The following BOC variants were observed in gnomAD, a reference collection of about 807,000 sequenced individuals.
BOC encodes BOC cell adhesion associated, oncogene regulated.
A neutral mutation model predicts 112.0 loss-of-function variants in BOC; 76 were observed. The observed-to-expected ratio is 0.68, with a 90% CI of 0.56 to 0.82. The LOEUF (loss-of-function observed/expected upper bound fraction) is 0.82. Among genes scored for constraint, BOC ranks in the 40% least tolerant of loss-of-function variants. BOC has a pLI of 0.00. For synonymous variants in BOC, 580 were observed against 599.8 expected, an observed-to-expected ratio of 0.97 and a Z score of 0.48; for missense variants, 1,309 against 1,511.7, an observed-to-expected ratio of 0.87 and a Z score of 2.22.
intron 4 of BOC, among the ~76,000 whole-genome samples, chr3:113,253,894 A>C (rs1294018715): frequency 2.5e-4 from 38 of 152,202 alleles, no homozygotes; most frequent in Admixed American, 2.5e-3. Context: ...TTCATCTGCA[A>C]ATGGGCAGCA....
intron 5 of BOC, chr3:113,270,182 T>C (rs1463296836): frequency 6.6e-6 from 1 of 152,270 alleles, no homozygotes; most frequent in African/African-American, 2.4e-5. Flanking sequence ...AATGAGGCGA[T>C]TCCGAGTGAT....
At chr3:113,251,530 A>G (rs1945641270) in intron 4 of BOC, 1 of 153,670 alleles carries the variant, frequency 6.5e-6, no homozygotes, top group African/African-American at 2.4e-5. Context: ...CCATTCTTTT[A>G]TTCATGTTGT....
chr3:113,284,251 G>A (rs1257191881), intron 16 of BOC, 84 bp from the exon 17 acceptor site: 6 of 1,161,068 alleles, frequency 5.2e-6, no homozygotes, highest in African/African-American at 1.5e-5. Context: ...GTGGCCAGGA[G>A]CCTCCTGAGA....
At chr3:113,213,920 TGAG>T (rs1938779671) in intron 1 of BOC, among the ~76,000 whole-genome samples, 2 of 152,198 alleles carry the variant, frequency 1.3e-5, no homozygotes, top group Non-Finnish European at 2.9e-5. Context: ...ATTTGGGCCT[TGAG>T]GAGGCTGGAG....
At chr3:113,256,773 A>G (rs540089490) in intron 4 of BOC, among the ~76,000 whole-genome samples, 20 of 151,766 alleles carry the variant, frequency 1.3e-4, no homozygotes, top group East Asian at 3.9e-4. Context: ...GTGTGTGTAT[A>G]TATATATGTA....
At chr3:113,248,302 C>T (rs985804891) in intron 2 of BOC, among the ~76,000 whole-genome samples, 9 of 152,206 alleles carry the variant, frequency 5.9e-5, no homozygotes, top group South Asian at 4.1e-4. Context: ...CTGTTTCTTA[C>T]GGCAGTCTCT....
At chr3:113,216,642 C>T (rs1939437812) in intron 2 of BOC, among the ~76,000 whole-genome samples, 1 of 152,176 alleles carries the variant, frequency 6.6e-6, no homozygotes, top group Non-Finnish European at 1.5e-5. Context: ...GCCTTGTGGT[C>T]TGATGTACTG....
chr3:113,261,426 A>G (rs1054937212), intron 4 of BOC, among the ~76,000 whole-genome samples: 1 of 151,754 alleles, frequency 6.6e-6, no homozygotes, highest in Non-Finnish European at 1.5e-5. Context: ...TAACTATTTC[A>G]TTCCTTCATC....
chr3:113,246,941 G>C (rs557475000), intron 2 of BOC, among the ~76,000 whole-genome samples: 1 of 152,126 alleles, frequency 6.6e-6, no homozygotes, highest in African/African-American at 2.4e-5. Context: ...ATAAATTACC[G>C]AGGGTGCAGA....
At chr3:113,223,490 T>A (rs151212826) in intron 2 of BOC, among the ~76,000 whole-genome samples, 136 of 152,324 alleles carry the variant, frequency 8.9e-4, no homozygotes, top group African/African-American at 3.1e-3. Flanking sequence ...GGGTTCACTC[T>A]TTGTGTTGTA....
At chr3:113,280,090 G>A (rs564032475) in intron 13 of BOC, 85 bp downstream of exon 13, 12 of 1,358,028 alleles carry the variant, frequency 8.8e-6, no homozygotes, top group East Asian at 5.0e-5. Context: ...AGACTCCCCC[G>A]AACAGGGCAC....
chr3:113,233,494 C>T (rs1041992428), intron 2 of BOC, among the ~76,000 whole-genome samples: 2 of 152,134 alleles, frequency 1.3e-5, no homozygotes, highest in African/African-American at 2.4e-5. Flanking sequence ...CCTAAATGCC[C>T]AGCTTCTCAT....
chr3:113,242,346 A>G (rs1465346957), intron 2 of BOC, among the ~76,000 whole-genome samples: 3 of 152,184 alleles, frequency 2.0e-5, no homozygotes, highest in Non-Finnish European at 4.4e-5. Flanking sequence ...AATCTCTTAA[A>G]AGAAATGAGG....
At chr3:113,247,191 C>T (rs1384785815) in intron 2 of BOC, among the ~76,000 whole-genome samples, 1 of 151,972 alleles carries the variant, frequency 6.6e-6, no homozygotes, top group Non-Finnish European at 1.5e-5. Context: ...CCTTCCTTCC[C>T]TTCTTGGGGC....
At chr3:113,222,746 A>G (rs544941422) in intron 2 of BOC, among the ~76,000 whole-genome samples, 51 of 152,370 alleles carry the variant, frequency 3.3e-4, no homozygotes, top group African/African-American at 1.1e-3. Context: ...AGCAGTTTGC[A>G]GTCCTGTTTT....
At chr3:113,268,163 G>C (rs1301879553) in intron 4 of BOC, 136 bp from the exon 5 acceptor site, 5 of 1,356,098 alleles carry the variant, frequency 3.7e-6, no homozygotes, top group Non-Finnish European at 5.0e-6. Flanking sequence ...GCTGGAGGAA[G>C]AACTCGGAGG....
At chr3:113,259,139 A>G (rs967482315) in intron 4 of BOC, among the ~76,000 whole-genome samples, 6 of 152,164 alleles carry the variant, frequency 3.9e-5, no homozygotes, top group Non-Finnish European at 7.3e-5. Flanking sequence ...GTCTGCCCCA[A>G]ACAGCCAGGA....
intron 4 of BOC, among the ~76,000 whole-genome samples, chr3:113,267,540 T>C (rs1947620097): frequency 6.6e-6 from 1 of 152,124 alleles, no homozygotes; most frequent in African/African-American, 2.4e-5. Context: ...GGCAGATTCC[T>C]CTTTGTCTTA....
chr3:113,243,522 T>C (rs1944556764), intron 2 of BOC, among the ~76,000 whole-genome samples: 1 of 152,240 alleles, frequency 6.6e-6, no homozygotes, highest in Admixed American at 6.5e-5. Flanking sequence ...CTGCAGTGCA[T>C]GTGTTTGATT....
Sources: gnomAD v4.1 joint callset for allele counts (sites outside exome capture counted in the v4.1 genomes callset) on GRCh38, gnomAD v4.1.1 for gene constraint, MANE v1.5 for transcripts, NCBI Gene and HGNC (gene_info 2026-07-23, HGNC 2026-07-21) for gene names.